KCNH8: variants seen among roughly 807,000 people sequenced by gnomAD.
KCNH8 encodes potassium voltage-gated channel subfamily H member 8, also known as voltage-gated delayed rectifier potassium channel KCNH8.
KCNH8 carries 70 observed loss-of-function variants against 103.6 expected under a neutral mutation model. That is an observed-to-expected ratio of 0.68 (90% CI 0.56 to 0.82). KCNH8 has a LOEUF of 0.82. Ranked by LOEUF, KCNH8 falls within the 40% of genes least tolerant of loss-of-function variation. The probability of loss-of-function intolerance (pLI) is 0.00; values close to 1 mark genes in which losing one functional copy is unlikely to be tolerated. For synonymous variants in KCNH8, 498 were observed against 489.4 expected (o/e 1.02, Z -0.23); for missense variants, 1,217 against 1,329.9 (o/e 0.92, Z 1.32).
chr3:19,490,126 CGG>C (rs2068287507), intron 11 of KCNH8, among the ~76,000 whole-genome samples: 1 of 152,192 alleles, frequency 6.6e-6, no homozygotes, highest in Admixed American at 6.5e-5. Flanking sequence ...TCAAGCTGGC[CGG>C]AGTCCCCCGC....
intron 9 of KCNH8, 31 bp from the exon 10 acceptor site, chr3:19,451,124 A>C: frequency 6.2e-7 from 1 of 1,611,244 alleles, no homozygotes; most frequent in Non-Finnish European, 8.5e-7. Flanking sequence ...ACTTACCCCA[A>C]TTTGATTTCC....
intron 11 of KCNH8, among the ~76,000 whole-genome samples, chr3:19,495,653 G>T (rs765694266): frequency 6.6e-6 from 1 of 151,492 alleles, no homozygotes; most frequent in Non-Finnish European, 1.5e-5. Context: ...CCTCAGCTTT[G>T]TCTTTTTGCT....
At chr3:19,416,500 A>G (rs1483320843) in intron 7 of KCNH8, among the ~76,000 whole-genome samples, 2 of 152,060 alleles carry the variant, frequency 1.3e-5, no homozygotes, top group Non-Finnish European at 2.9e-5. Flanking sequence ...TTTTTGTTTC[A>G]TTAGTTCAAA....
In KCNH8 at chr3:19,472,195, CGTGTGTGTGTGTGTGTGT is replaced by C. The variant is rs57766729; in HGVS notation, c.2040+15248_2040+15265del. On this transcript the variant is annotated intron_variant, in intron 11 of 15. Coordinates refer to ENST00000328405, the MANE Select transcript of KCNH8 (RefSeq NM_144633.3). Reference sequence around the variant, plus strand: ...CTTATTGGAATTTAATCACTTCATTCGTGTGTGTGTGTGTGTGTGTGTGTGTGTGTGTGTGTGTGTGTG... The same window carrying C: ...CTTATTGGAATTTAATCACTTCATTCGTGTGTGTGTGTGTGTGTGTGTGTG... 8.3e-3 allele frequency among the ~76,000 whole-genome samples: 1,144 copies of C among 137,474 alleles called. 10 individuals carry two copies. Among genetic ancestry groups the C allele is most frequent in the African/African-American group, 0.027 (1,007 of 37,376 alleles). 90.2% of individuals were successfully genotyped at this position (137,474 alleles called of 152,430 possible). A position where few individuals can be genotyped will look rare whatever the true frequency, so the allele number is the denominator to read the frequency against.
intron 5 of KCNH8, among the ~76,000 whole-genome samples, chr3:19,374,371 C>G (rs1402110410): frequency 6.6e-6 from 1 of 151,610 alleles, no homozygotes; most frequent in Non-Finnish European, 1.5e-5. Context: ...TAATGGCCTT[C>G]TTTGTCTCTT....
At chr3:19,418,662 G>C (rs897770045) in intron 7 of KCNH8, among the ~76,000 whole-genome samples, 7 of 152,148 alleles carry the variant, frequency 4.6e-5, no homozygotes, top group African/African-American at 1.7e-4. Context: ...TTTAGCTGAG[G>C]TGTCTGAGTA....
intron 7 of KCNH8, among the ~76,000 whole-genome samples, chr3:19,413,348 A>T (rs1242720111): frequency 6.6e-6 from 1 of 152,034 alleles, no homozygotes; most frequent in Non-Finnish European, 1.5e-5. Flanking sequence ...GGACATAAAT[A>T]TGGAAACAGC....
chr3:19,290,054 T>C (rs1262934279), intron 3 of KCNH8, among the ~76,000 whole-genome samples: 2 of 152,128 alleles, frequency 1.3e-5, no homozygotes, highest in Non-Finnish European at 2.9e-5. Flanking sequence ...GTTTGTCTGT[T>C]ATTGGTGTAT....
At position 19,440,212 on chromosome 3, in the gene KCNH8, A is replaced by G. The variant is rs2067261731; in HGVS notation, c.1375+1851A>G. ...TACATAATTTTTTAAAAAAATTTTGATAACATGAATTATTGCATGTAATTT... is the reference window on the plus strand; with the variant it reads ...TACATAATTTTTTAAAAAAATTTTGGTAACATGAATTATTGCATGTAATTT... On this transcript the variant is annotated intron_variant, in intron 8 of 15. Transcript: ENST00000328405. 2.6e-5 allele frequency among the ~76,000 whole-genome samples: 4 copies of G among 152,200 alleles called. No individual in the cohort carries two copies. The South Asian group carries it at 8.3e-4, about 32-fold the overall frequency.
chr3:19,531,363 TG>T (rs2069158180), intron 15 of KCNH8, among the ~76,000 whole-genome samples: 1 of 152,212 alleles, frequency 6.6e-6, no homozygotes, highest in Admixed American at 6.5e-5. Context: ...GCTTTAGAAT[TG>T]AAGCTTGGCA....
chr3:19,413,093 G>A (rs1367286749), intron 7 of KCNH8, among the ~76,000 whole-genome samples: 2 of 151,406 alleles, frequency 1.3e-5, no homozygotes, highest in African/African-American at 2.4e-5. Flanking sequence ...CTATTCAAAT[G>A]CAATAGCAAA....
intron 15 of KCNH8, among the ~76,000 whole-genome samples, chr3:19,530,454 G>T (rs948371167): frequency 1.3e-5 from 2 of 152,026 alleles, no homozygotes; most frequent in Non-Finnish European, 2.9e-5. Flanking sequence ...AAAAGAATGT[G>T]TCTATGCAAA....
chr3:19,216,599 T>A (rs1314664006), intron 1 of KCNH8, among the ~76,000 whole-genome samples: 1 of 152,238 alleles, frequency 6.6e-6, no homozygotes, highest in African/African-American at 2.4e-5. Flanking sequence ...TTATTCCTCA[T>A]ACTACTAAAA....
chr3:19,340,327 A>T (rs1054297594), intron 3 of KCNH8, among the ~76,000 whole-genome samples: 9 of 148,922 alleles, frequency 6.0e-5, no homozygotes, highest in Non-Finnish European at 1.2e-4. Context: ...TGTGACATAG[A>T]TTCAATTTAT....
At chr3:19,255,774 T>G (rs1029591238) in intron 2 of KCNH8, among the ~76,000 whole-genome samples, 1 of 152,182 alleles carries the variant, frequency 6.6e-6, no homozygotes, top group Non-Finnish European at 1.5e-5. Context: ...CAGTTTTATT[T>G]GTTGTAACAA....
intron 11 of KCNH8, among the ~76,000 whole-genome samples, chr3:19,500,070 G>C (rs1319391526): frequency 2.0e-5 from 3 of 152,076 alleles, no homozygotes; most frequent in Non-Finnish European, 4.4e-5. Flanking sequence ...ACACACATAG[G>C]CTCAAATTAA....
intron 2 of KCNH8, among the ~76,000 whole-genome samples, chr3:19,265,990 G>T (rs1463346092): frequency 6.6e-6 from 1 of 151,944 alleles, no homozygotes; most frequent in African/African-American, 2.4e-5. Flanking sequence ...ATCTCAATCT[G>T]CAGACCAACC....
At chr3:19,199,768 G>T (rs2063638539) in intron 1 of KCNH8, among the ~76,000 whole-genome samples, 1 of 151,750 alleles carries the variant, frequency 6.6e-6, no homozygotes, top group Non-Finnish European at 1.5e-5. Context: ...AAATCACTGA[G>T]AATTATATTG....
Position 19,456,898 on chromosome 3 carries a change from C to A in KCNH8, c.1956C>A (p.Asp652Glu). 6.2e-7 allele frequency: 1 copy of A among 1,612,546 alleles called. No homozygotes were observed. The highest frequency in any genetic ancestry group is 1.1e-5 in the South Asian group (1 of 91,036). The change falls in exon 11 of 16, where the codon GAC becomes GAA. Residue 652 changes from aspartate (D) to glutamate (E), a missense_variant. This residue lies in a region of KCNH8 where 415 missense variants were observed against 577.4 expected (regional missense o/e 0.72). Transcript: ENST00000328405. ...IILKGLFEVL[D>E]LYPEYAHKFV... ...TCAAAGGACTCTTTGAAGTGCTAGACCTTTACCCAGAATATGCTCACAAAT... is the reference window on the plus strand; with the variant it reads ...TCAAAGGACTCTTTGAAGTGCTAGAACTTTACCCAGAATATGCTCACAAAT...
Sources: gnomAD v4.1 joint callset for allele counts (sites outside exome capture counted in the v4.1 genomes callset) on GRCh38, gnomAD v4.1.1 for gene constraint, gnomAD v4.1.1 regional missense constraint, MANE v1.5 for transcripts, NCBI Gene and HGNC (gene_info 2026-07-23, HGNC 2026-07-21) for gene names.